Variants in PRKAR2B observed in about 807,000 individuals in gnomAD.
PRKAR2B encodes the protein protein kinase cAMP-dependent type II regulatory subunit beta.
In PRKAR2B, 14 loss-of-function variants were observed where a neutral mutation model predicts 49.9. The ratio of observed to expected loss-of-function variants is 0.28; its 90% CI spans 0.19 to 0.44. The LOEUF (loss-of-function observed/expected upper bound fraction) is 0.44. PRKAR2B is among the 20% of genes least tolerant of loss of function. The pLI is 1.00. For synonymous variants in PRKAR2B, 196 were observed against 197.7 expected (o/e 0.99, Z 0.07); for missense variants, 393 against 537.9 (o/e 0.73, Z 2.67).
chr7:107,088,303 C>A (rs902672197), intron 2 of PRKAR2B, among the ~76,000 whole-genome samples: 1 of 152,054 alleles, frequency 6.6e-6, no homozygotes, highest in Non-Finnish European at 1.5e-5. Flanking sequence ...ATTTATTTAT[C>A]TAGTGAGTGA....
intron 2 of PRKAR2B, among the ~76,000 whole-genome samples, chr7:107,072,810 C>G (rs1350325644): frequency 6.6e-6 from 1 of 152,018 alleles, no homozygotes; most frequent in Non-Finnish European, 1.5e-5. Context: ...CTTATGATAC[C>G]TTTTCTGATT....
chr7:107,139,723 T>C (rs997960810), intron 4 of PRKAR2B, among the ~76,000 whole-genome samples: 1 of 152,238 alleles, frequency 6.6e-6, no homozygotes, highest in African/African-American at 2.4e-5. Context: ...TCTATACTAT[T>C]GTAGATTCAT....
intron 3 of PRKAR2B, among the ~76,000 whole-genome samples, chr7:107,123,281 G>C (rs138212770): frequency 6.6e-5 from 10 of 152,318 alleles, no homozygotes; most frequent in Middle Eastern, 3.4e-3. Flanking sequence ...TTGAATTTTA[G>C]CTGCCATTTA....
intron 2 of PRKAR2B, among the ~76,000 whole-genome samples, chr7:107,107,143 C>G (rs1333341388): frequency 6.6e-6 from 1 of 152,192 alleles, no homozygotes; most frequent in Non-Finnish European, 1.5e-5. Flanking sequence ...TCGAGACCAG[C>G]CTGGCCAACA....
intron 6 of PRKAR2B, among the ~76,000 whole-genome samples, chr7:107,150,607 T>G (rs1193091207): frequency 6.6e-6 from 1 of 151,594 alleles, no homozygotes; most frequent in East Asian, 1.9e-4. Flanking sequence ...TATACATATT[T>G]AAAAATGCTG....
At chr7:107,045,952 T>G (rs920147398) in intron 1 of PRKAR2B, among the ~76,000 whole-genome samples, 1 of 152,210 alleles carries the variant, frequency 6.6e-6, no homozygotes, top group Non-Finnish European at 1.5e-5. Context: ...TTTTTAAAAG[T>G]GTATGAGAAA....
intron 1 of PRKAR2B, among the ~76,000 whole-genome samples, chr7:107,055,640 G>T (rs1052467711): frequency 2.9e-4 from 44 of 152,250 alleles, no homozygotes; most frequent in South Asian, 8.3e-4. Flanking sequence ...TATATCCTTT[G>T]CCCCCTTTTT....
intron 2 of PRKAR2B, among the ~76,000 whole-genome samples, chr7:107,109,804 A>G (rs1473873712): frequency 2.0e-5 from 3 of 152,302 alleles, no homozygotes; most frequent in African/African-American, 4.8e-5. Flanking sequence ...ACAATTTCCA[A>G]TGTCATTAGA....
intron 2 of PRKAR2B, among the ~76,000 whole-genome samples, chr7:107,075,641 C>A (rs1402309645): frequency 1.3e-5 from 2 of 151,980 alleles, no homozygotes; most frequent in African/African-American, 4.8e-5. Context: ...CTCTAGGGAT[C>A]CACCTGCCTC....
intron 2 of PRKAR2B, among the ~76,000 whole-genome samples, chr7:107,096,763 G>A (rs2087912868): frequency 6.6e-6 from 1 of 152,062 alleles, no homozygotes; most frequent in East Asian, 1.9e-4. Flanking sequence ...ATTTCGTTAT[G>A]TGTACCCAGT....
At chr7:107,097,094 A>G (rs1257643105) in intron 2 of PRKAR2B, among the ~76,000 whole-genome samples, 1 of 152,088 alleles carries the variant, frequency 6.6e-6, no homozygotes, top group Non-Finnish European at 1.5e-5. Context: ...TGATCTGTCT[A>G]ATGTTGACAG....
At chr7:107,089,054 T>TGCTACTC (rs1794673102) in intron 2 of PRKAR2B, among the ~76,000 whole-genome samples, 1 of 151,648 alleles carries the variant, frequency 6.6e-6, no homozygotes, top group Non-Finnish European at 1.5e-5. Context: ...CTGTAATCTC[T>TGCTACTC]GCTACTCGGT....
chr7:107,102,444 G>A (rs748113052), intron 2 of PRKAR2B, among the ~76,000 whole-genome samples: 35 of 152,302 alleles, frequency 2.3e-4, no homozygotes, highest in Middle Eastern at 3.4e-3. Flanking sequence ...CTGCCTGTGG[G>A]ATGGCCCTGC....
intron 2 of PRKAR2B, chr7:107,078,360 T>A (rs1358977434): frequency 2.0e-5 from 3 of 152,234 alleles, no homozygotes; most frequent in African/African-American, 7.2e-5. Flanking sequence ...ACGAGAGGTG[T>A]CAGTCTTGAG....
At chr7:107,112,505 C>A (rs1795195880) in intron 2 of PRKAR2B, among the ~76,000 whole-genome samples, 1 of 151,898 alleles carries the variant, frequency 6.6e-6, no homozygotes, top group African/African-American at 2.4e-5. Flanking sequence ...TTACTGATTC[C>A]TATGCAGCCA....
At chr7:107,084,826 C>T (rs1226617098) in intron 2 of PRKAR2B, among the ~76,000 whole-genome samples, 2 of 151,770 alleles carry the variant, frequency 1.3e-5, no homozygotes, top group African/African-American at 2.4e-5. Flanking sequence ...GGGGTTTCAC[C>T]GTGTTAGCCA....
chr7:107,049,135 C>T (rs1354243890), intron 1 of PRKAR2B, among the ~76,000 whole-genome samples: 1 of 152,178 alleles, frequency 6.6e-6, no homozygotes, highest in Non-Finnish European at 1.5e-5. Context: ...TAGGCATCAT[C>T]AAGAGATCTT....
intron 2 of PRKAR2B, among the ~76,000 whole-genome samples, chr7:107,098,591 G>A (rs185571156): frequency 6.9e-4 from 105 of 152,228 alleles, no homozygotes; most frequent in African/African-American, 2.1e-3. Flanking sequence ...GAGAAGAGGC[G>A]CTCTGATTTT....
At chr7:107,100,364 T>G (rs1794936711) in intron 2 of PRKAR2B, among the ~76,000 whole-genome samples, 1 of 152,232 alleles carries the variant, frequency 6.6e-6, no homozygotes, top group African/African-American at 2.4e-5. Context: ...GAGCAGTTAG[T>G]AATTGTTTTG....
Sources: allele counts gnomAD v4.1 joint callset (sites outside exome capture counted in the v4.1 genomes callset), GRCh38; gene constraint gnomAD v4.1.1; transcripts MANE v1.5; gene names NCBI Gene and HGNC (gene_info 2026-07-23, HGNC 2026-07-21).